BTBD9: variants seen among roughly 807,000 people sequenced by gnomAD.
The protein encoded by BTBD9 is BTB domain containing 9.
BTBD9 carries 49 observed loss-of-function variants against 64.3 expected under a neutral mutation model. The observed-to-expected ratio is 0.76, with a 90% CI of 0.61 to 0.97. The LOEUF (loss-of-function observed/expected upper bound fraction) is 0.97, where lower values mean the gene tolerates loss of function less well. Among genes scored for constraint, BTBD9 ranks in the 50% least tolerant of loss-of-function variants. BTBD9 has a pLI of 0.00. For missense variants in BTBD9, 598 were observed against 762.1 expected (o/e 0.78, Z 2.53); for synonymous variants, 260 against 274.7 (o/e 0.95, Z 0.53).
intron 9 of BTBD9, among the ~76,000 whole-genome samples, chr6:38,232,106 C>A (rs1272857956): frequency 6.6e-6 from 1 of 152,150 alleles, no homozygotes. Context: ...GCCCTTTTGC[C>A]AGCCAAAAGC....
chr6:38,568,914 C>T (rs1011183392), intron 6 of BTBD9, among the ~76,000 whole-genome samples: 2 of 152,070 alleles, frequency 1.3e-5, no homozygotes, highest in African/African-American at 4.8e-5. Flanking sequence ...CCAAGTAACT[C>T]CTAGATACCT....
intron 1 of BTBD9, among the ~76,000 whole-genome samples, chr6:38,605,237 G>A (rs1777392249): frequency 6.6e-6 from 1 of 151,912 alleles, no homozygotes; most frequent in Admixed American, 6.6e-5. Context: ...AGTAGAGACG[G>A]GGTTTCACCA....
intron 7 of BTBD9, among the ~76,000 whole-genome samples, chr6:38,298,266 C>A (rs1397884159): frequency 6.6e-6 from 1 of 151,944 alleles, no homozygotes; most frequent in Non-Finnish European, 1.5e-5. Flanking sequence ...TTTTATGTCT[C>A]TTAAATTTTA....
chr6:38,490,925 A>T (rs1728802403), intron 6 of BTBD9, among the ~76,000 whole-genome samples: 1 of 152,220 alleles, frequency 6.6e-6, no homozygotes, highest in Non-Finnish European at 1.5e-5. Flanking sequence ...GGCACCAGGT[A>T]ATCTGACTGT....
At chr6:38,218,550 T>C (rs892079959) in intron 9 of BTBD9, among the ~76,000 whole-genome samples, 1 of 152,232 alleles carries the variant, frequency 6.6e-6, no homozygotes, top group Non-Finnish European at 1.5e-5. Flanking sequence ...TTATCCTGAC[T>C]TTCACTCATT....
chr6:38,549,587 A>G (rs1478284137), intron 6 of BTBD9, among the ~76,000 whole-genome samples: 3 of 148,286 alleles, frequency 2.0e-5, no homozygotes, highest in African/African-American at 4.9e-5. Flanking sequence ...CAGGAGAGGG[A>G]AAAAAAAAAA....
chr6:38,323,113 G>T (rs556187897), intron 7 of BTBD9, among the ~76,000 whole-genome samples: 1 of 152,270 alleles, frequency 6.6e-6, no homozygotes, highest in East Asian at 1.9e-4. Context: ...ACAAGATTGG[G>T]TGTGCACTGC....
intron 6 of BTBD9, among the ~76,000 whole-genome samples, chr6:38,546,379 T>C (rs1345366608): frequency 1.3e-5 from 2 of 152,212 alleles, no homozygotes; most frequent in Non-Finnish European, 2.9e-5. Context: ...CCTCAATTAT[T>C]TAAGCCAAAA....
At chr6:38,549,013 C>T (rs1378783991) in intron 6 of BTBD9, among the ~76,000 whole-genome samples, 1 of 152,206 alleles carries the variant, frequency 6.6e-6, no homozygotes, top group East Asian at 1.9e-4. Flanking sequence ...TTAGATTGGG[C>T]TGTTTTTCCC....
chr6:38,361,002 T>C (rs796728691), intron 6 of BTBD9, among the ~76,000 whole-genome samples: 20 of 152,218 alleles, frequency 1.3e-4, no homozygotes, highest in African/African-American at 4.6e-4. Context: ...ATGGCATCCC[T>C]TTCCAGTTTT....
intron 6 of BTBD9, among the ~76,000 whole-genome samples, chr6:38,503,657 C>T (rs1388401978): frequency 2.0e-5 from 3 of 152,250 alleles, no homozygotes; most frequent in East Asian, 3.9e-4. Context: ...CCATTACCTA[C>T]CAACTTCACA....
At chr6:38,592,909 G>T in intron 3 of BTBD9, 69 bp from the exon 4 acceptor site, 22 of 1,504,960 alleles carry the variant, frequency 1.5e-5, no homozygotes, top group Non-Finnish European at 2.0e-5. Flanking sequence ...ATCAGTAAAA[G>T]CTTACAGGAC....
At chr6:38,334,058 G>A (rs755079167) in intron 7 of BTBD9, among the ~76,000 whole-genome samples, 2 of 152,198 alleles carry the variant, frequency 1.3e-5, no homozygotes, top group Non-Finnish European at 2.9e-5. Context: ...GGGAACTGGA[G>A]TAAAGGTCAC....
intron 6 of BTBD9, among the ~76,000 whole-genome samples, chr6:38,556,528 TGTGTGTGTGTGTGTGTGTGTGTGAGAGA>T (rs1406326650): frequency 2.0e-5 from 1 of 49,704 alleles, no homozygotes; most frequent in African/African-American, 1.4e-4. Context: ...TGTGTGTGTG[TGTGTGTGTGTGTGTGTGTGTGTGAGAGA>T]GAGAGAGAGA....
At chr6:38,558,882 T>C (rs1775145763) in intron 6 of BTBD9, among the ~76,000 whole-genome samples, 1 of 152,186 alleles carries the variant, frequency 6.6e-6, no homozygotes, top group Non-Finnish European at 1.5e-5. Context: ...ATCAGGGTGA[T>C]ACTAGCTTCA....
At chr6:38,409,773 G>A (rs1767329446) in intron 6 of BTBD9, among the ~76,000 whole-genome samples, 1 of 151,990 alleles carries the variant, frequency 6.6e-6, no homozygotes, top group African/African-American at 2.4e-5. Flanking sequence ...GCAGTGAGCC[G>A]AGATCATGCC....
intron 6 of BTBD9, among the ~76,000 whole-genome samples, chr6:38,489,079 A>G (rs1771584746): frequency 2.6e-5 from 4 of 151,980 alleles, no homozygotes; most frequent in Admixed American, 2.0e-4. Flanking sequence ...TATGTTTTGT[A>G]GAGATAGGGT....
At chr6:38,236,266 T>C (rs550862261) in intron 9 of BTBD9, among the ~76,000 whole-genome samples, 120 of 152,324 alleles carry the variant, frequency 7.9e-4, no homozygotes, top group African/African-American at 2.8e-3. Context: ...TTAGGTCCTC[T>C]CTGAAACCAC....
chr6:38,281,542 CTTTTTAAAGTGGTAGAATTG>C (rs1476978364), intron 8 of BTBD9, among the ~76,000 whole-genome samples: 1 of 152,124 alleles, frequency 6.6e-6, no homozygotes, highest in Non-Finnish European at 1.5e-5. Flanking sequence ...GCCAGATTAA[CTTTTTAAAGTGGTAGAATTG>C]TTTTTTCCTT....
Sources: allele counts gnomAD v4.1 joint callset (sites outside exome capture counted in the v4.1 genomes callset), GRCh38; gene constraint gnomAD v4.1.1; transcripts MANE v1.5; gene names NCBI Gene and HGNC (gene_info 2026-07-23, HGNC 2026-07-21).